The following UTP20 variants were observed in gnomAD, a reference collection of about 807,000 sequenced individuals.
UTP20 encodes UTP20 small subunit processome component, also known as small subunit processome component 20 homolog.
In UTP20, 164 loss-of-function variants were observed where a neutral mutation model predicts 329.5. That is an observed-to-expected ratio of 0.50 (90% CI 0.44 to 0.57). The LOEUF (loss-of-function observed/expected upper bound fraction) is 0.57. Ranked by LOEUF, UTP20 falls within the 20% of genes least tolerant of loss-of-function variation. UTP20 has a pLI of 0.00. For missense variants in UTP20, 3,055 were observed against 3,284.2 expected (o/e 0.93, Z 1.71); for synonymous variants, 1,151 against 1,159.3 (o/e 0.99, Z 0.14).
chr12:101,383,528 G>C lies in UTP20; in HGVS notation c.7930-15G>C. 6.2e-7 allele frequency: 1 copy of C among 1,608,638 alleles called. No homozygotes were observed. The highest frequency in any genetic ancestry group is 1.1e-5 in the South Asian group (1 of 90,232). The stretch of plus-strand genomic sequence containing the variant: ...GAGAAGTCTTTCAAATGAAAAAAAT[G>C]ATCTGTACTTTCAGAGAACATGCAT... On this transcript the variant is annotated splice_polypyrimidine_tract_variant and intron_variant, in intron 59 of 61. Transcript: ENST00000261637.
In UTP20 at chr12:101,294,791, G is replaced by T. The variant is rs147242049; in HGVS notation, c.1252-689G>T. Among the ~76,000 whole-genome samples the T allele has an allele frequency of 4.5e-3, 680 of 152,170 alleles. 5 individuals are homozygous for T. The highest frequency in any genetic ancestry group is 0.015 in the African/African-American group (618 of 41,528). Reference sequence around the variant, plus strand: ...ACTCCTGACCTCAGATGATCTGCCTGCCTCGGCCTCCCAAAGTGTTGGGAT... The same window carrying T: ...ACTCCTGACCTCAGATGATCTGCCTTCCTCGGCCTCCCAAAGTGTTGGGAT... On this transcript the variant is annotated intron_variant, in intron 11 of 61. Coordinates refer to ENST00000261637, the MANE Select transcript of UTP20 (RefSeq NM_014503.3).
At chr12:101,380,864 A>G (rs376411966) in intron 57 of UTP20, among the ~76,000 whole-genome samples, 3 of 49,218 alleles carry the variant, frequency 6.1e-5, no homozygotes, top group Admixed American at 2.5e-4. Context: ...ACTCTGTCTT[A>G]AAAAAAAAAA....
intron 37 of UTP20, 43 bp downstream of exon 37, chr12:101,345,737 A>G: frequency 3.9e-6 from 6 of 1,557,138 alleles, no homozygotes; most frequent in Non-Finnish European, 5.2e-6. Context: ...ACATAAGCAT[A>G]CATATTTCAA....
chr12:101,313,704 T>C (rs1371041573), intron 21 of UTP20, among the ~76,000 whole-genome samples: 1 of 146,820 alleles, frequency 6.8e-6, no homozygotes, highest in African/African-American at 2.5e-5. Flanking sequence ...AGATCAGATG[T>C]GGGACGGGTG....
At chr12:101,366,807 T>A in intron 47 of UTP20, 108 bp downstream of exon 47, 1 of 1,390,822 alleles carries the variant, frequency 7.2e-7, no homozygotes, top group Non-Finnish European at 9.6e-7. Flanking sequence ...TGCCTTACTG[T>A]AAATACATTT....
chr12:101,373,739 T>A lies in UTP20; in HGVS notation c.7103T>A (p.Met2368Lys), dbSNP rs201064625. 6 of 1,611,632 alleles carry A rather than the reference T, an allele frequency of 3.7e-6. No homozygotes were observed. In the South Asian group the frequency reaches 6.6e-5, roughly 18 times the overall value. ...GAGAAAAAAGATTGGCTGTTTGATA[T>A]GGTTACCACTTGGTTTGGAGCAAAA... is the stretch of plus-strand genomic sequence containing the variant. ...SLEKKDWLFD[M>K]VTTWFGAKKR... is the part of the protein sequence containing the mutation. Residue 2368 changes from methionine (M) to lysine (K), a missense_variant, in exon 54 of 62, where the codon ATG (methionine) becomes AAG (lysine). Met to Lys is a moderately conservative substitution (Grantham distance 95). Transcript: ENST00000261637.
At chr12:101,344,550 A>T in intron 35 of UTP20, 45 bp from the exon 36 acceptor site, 1 of 851,788 alleles carries the variant, frequency 1.2e-6, no homozygotes, top group Non-Finnish European at 2.0e-6. Context: ...TCCATATTGT[A>T]GTTATTACAG....
At chr12:101,298,315 C>A (rs1240547843) in intron 12 of UTP20, among the ~76,000 whole-genome samples, 2 of 152,074 alleles carry the variant, frequency 1.3e-5, no homozygotes, top group Non-Finnish European at 2.9e-5. Context: ...GAGAGGGAGA[C>A]TGAATGGAGA....
chr12:101,327,039 A>G, intron 25 of UTP20, 42 bp from the exon 26 acceptor site: 2 of 1,548,600 alleles, frequency 1.3e-6, no homozygotes, highest in Middle Eastern at 1.7e-4. Context: ...CTCATATTTT[A>G]GAATTAATGT....
intron 5 of UTP20, among the ~76,000 whole-genome samples, chr12:101,286,713 C>T (rs558009396): frequency 4.0e-5 from 6 of 151,856 alleles, no homozygotes; most frequent in African/African-American, 1.4e-4. Flanking sequence ...GGAAGTATAC[C>T]CACCCAAGAA....
intron 58 of UTP20, among the ~76,000 whole-genome samples, chr12:101,381,611 T>A (rs1168985683): frequency 3.9e-5 from 6 of 152,334 alleles, no homozygotes; most frequent in African/African-American, 1.4e-4. Flanking sequence ...GAACCTATCT[T>A]AATGCTTGGG....
At chr12:101,335,273 CTA>C (rs138200645) in intron 29 of UTP20, among the ~76,000 whole-genome samples, 19,734 of 151,962 alleles carry the variant, frequency 0.13, 2,813 homozygotes, top group East Asian at 0.46. Context: ...ACAGCTAAAA[CTA>C]ATACTTTTTA....
chr12:101,350,828 C>G (rs1226449746), intron 38 of UTP20, among the ~76,000 whole-genome samples: 1 of 152,142 alleles, frequency 6.6e-6, no homozygotes, highest in Non-Finnish European at 1.5e-5. Flanking sequence ...CTCACGCTTA[C>G]TGCTCAGTAC....
intron 26 of UTP20, among the ~76,000 whole-genome samples, chr12:101,328,114 G>A (rs1444557504): frequency 6.6e-6 from 1 of 152,162 alleles, no homozygotes; most frequent in Non-Finnish European, 1.5e-5. Flanking sequence ...AGGGTATTCT[G>A]TTGCATTTGT....
At chr12:101,290,115 C>G in intron 6 of UTP20, 22 bp from the exon 7 acceptor site, 1 of 1,483,948 alleles carries the variant, frequency 6.7e-7, no homozygotes, top group Non-Finnish European at 9.2e-7. Flanking sequence ...ATATAATTTT[C>G]CATTTCTACT....
chr12:101,326,990 A>G (rs930951660), intron 25 of UTP20, 91 bp from the exon 26 acceptor site: 1 of 1,254,164 alleles, frequency 8.0e-7, no homozygotes, highest in Non-Finnish European at 1.1e-6. Flanking sequence ...ATTTAAATCT[A>G]TTGAGTTGCT....
intron 44 of UTP20, among the ~76,000 whole-genome samples, chr12:101,362,959 C>T (rs1869976211): frequency 7.6e-6 from 1 of 131,592 alleles, no homozygotes; most frequent in Admixed American, 7.1e-5. Context: ...ATGGTGAAAC[C>T]CCATCTCTGC....
At chr12:101,372,862 T>C in intron 51 of UTP20, 22 bp from the exon 52 acceptor site, 1 of 1,591,624 alleles carries the variant, frequency 6.3e-7, no homozygotes, top group Non-Finnish European at 8.6e-7. Flanking sequence ...CAAATAATCA[T>C]CTGTGTGACT....
chr12:101,386,095 G>C lies in UTP20; in HGVS notation c.8330G>C (p.Ser2777Thr). Reference sequence around the variant, plus strand: ...AAGGCCAAGAGACAAAAAAGCCATAGCCTGAAAGATTTAGCAATGGTGGAG... The same window carrying C: ...AAGGCCAAGAGACAAAAAAGCCATACCCTGAAAGATTTAGCAATGGTGGAG... Reference protein sequence around the residue: ...GYKAKRQKSHSLKDLAMVE With the variant: ...GYKAKRQKSHTLKDLAMVE Residue 2777 changes from serine (S) to threonine (T), a missense_variant, in exon 62 of 62, where the codon AGC becomes ACC. By Grantham distance (58) the Ser-to-Thr change is moderately conservative. Transcript: ENST00000261637. 6.2e-7 allele frequency: 1 copy of C among 1,607,024 alleles called. No individual in the cohort carries two copies. Among genetic ancestry groups the C allele is most frequent in the Non-Finnish European group, 8.5e-7 (1 of 1,178,776 alleles).
Sources: gnomAD v4.1 joint callset for allele counts (sites outside exome capture counted in the v4.1 genomes callset) on GRCh38, gnomAD v4.1.1 for gene constraint, MANE v1.5 for transcripts, NCBI Gene and HGNC (gene_info 2026-07-23, HGNC 2026-07-21) for gene names.